STPG2: variants seen among roughly 807,000 people sequenced by gnomAD.
STPG2 encodes sperm-tail PG-rich repeat-containing protein 2.
Under a neutral mutation model 54.2 loss-of-function variants are expected in STPG2, and 56 were observed. That is an observed-to-expected ratio of 1.03 (90% CI 0.83 to 1.29). The LOEUF is 1.29. STPG2 is among the 50% of genes most tolerant of loss of function. STPG2 has a pLI of 0.00. For synonymous variants in STPG2, 200 were observed against 181.8 expected (o/e 1.10, Z -0.81); for missense variants, 596 against 544.9 (o/e 1.09, Z -0.93).
chr4:98,048,536 C>T (rs1249359594), intron 5 of STPG2: 2 of 176,038 alleles, frequency 1.1e-5, no homozygotes, highest in Non-Finnish European at 2.5e-5. Context: ...GTCTCCTCCG[C>T]TTGCTTTCTG....
intron 5 of STPG2, among the ~76,000 whole-genome samples, chr4:98,024,989 T>C (rs756941656): frequency 1.3e-5 from 2 of 152,214 alleles, no homozygotes; most frequent in South Asian, 2.1e-4. Flanking sequence ...TGCTATATCA[T>C]GGTCATAAAA....
At chr4:97,717,703 A>G (rs914810517) in intron 9 of STPG2, among the ~76,000 whole-genome samples, 3 of 152,190 alleles carry the variant, frequency 2.0e-5, no homozygotes, top group Non-Finnish European at 4.4e-5. Context: ...ATAAATTTGA[A>G]TGACTTTCAC....
At chr4:97,831,458 A>G (rs1728457965) in intron 9 of STPG2, among the ~76,000 whole-genome samples, 1 of 152,176 alleles carries the variant, frequency 6.6e-6, no homozygotes, top group South Asian at 2.1e-4. Context: ...TCAAAATTAA[A>G]AGAACTAGAG....
chr4:97,942,135 GTGTGTATATA>G lies in STPG2; in HGVS notation c.1044+1752_1044+1761del, dbSNP rs1381091225. Among the ~76,000 whole-genome samples, 3 of 149,716 alleles carry G rather than the reference GTGTGTATATA, an allele frequency of 2.0e-5. No homozygotes were observed. In the Admixed American group the frequency reaches 2.0e-4, roughly 10 times the overall value. On this transcript the variant is annotated intron_variant, in intron 8 of 10. Coordinates refer to ENST00000295268, the MANE Select transcript of STPG2 (RefSeq NM_174952.3). ...ATAGATACGTTTTAAATATATATAT[GTGTGTATATA>G]TATATATATTTAAAACGTATCTATA... is the stretch of plus-strand genomic sequence containing the variant.
intron 10 of STPG2, among the ~76,000 whole-genome samples, chr4:97,659,561 C>A (rs1051653245): frequency 2.0e-5 from 3 of 152,152 alleles, no homozygotes; most frequent in Non-Finnish European, 4.4e-5. Context: ...AGCTAGGGAA[C>A]AAATGACCTT....
At chr4:97,883,780 T>C (rs1578653470) in intron 8 of STPG2, among the ~76,000 whole-genome samples, 1 of 152,206 alleles carries the variant, frequency 6.6e-6, no homozygotes, top group African/African-American at 2.4e-5. Flanking sequence ...AATACTCATG[T>C]AATTGAAATC....
chr4:97,564,504 A>C (rs1445597202), intron 10 of STPG2, among the ~76,000 whole-genome samples: 1 of 152,172 alleles, frequency 6.6e-6, no homozygotes, highest in East Asian at 1.9e-4. Context: ...TTTGCTCGTT[A>C]GTTGATGCAG....
chr4:97,521,260 G>A (rs1263084773), intron 4 of STPG2, among the ~76,000 whole-genome samples: 4 of 151,874 alleles, frequency 2.6e-5, no homozygotes, highest in African/African-American at 9.7e-5. Flanking sequence ...ACTTAACACA[G>A]GACCAACAAA....
chr4:97,865,764 T>C (rs1315143216), intron 8 of STPG2, among the ~76,000 whole-genome samples: 2 of 151,916 alleles, frequency 1.3e-5, no homozygotes, highest in Non-Finnish European at 2.9e-5. Context: ...GAGGAGTTAA[T>C]GGTGCAGCAC....
chr4:98,020,224 T>G (rs1736129799), intron 5 of STPG2, among the ~76,000 whole-genome samples: 1 of 132,026 alleles, frequency 7.6e-6, no homozygotes. Flanking sequence ...GTTTTTAGCA[T>G]GAAGGGTTGT....
rs925204749 is a variant in STPG2, at chr4:98,097,517, T to C, written c.612+8436A>G. Among the ~76,000 whole-genome samples, 16 of 152,258 alleles carry C rather than the reference T, an allele frequency of 1.1e-4. No homozygotes were observed. The South Asian group carries it at 1.9e-3, about 18-fold the overall frequency. ...CCATATATGACAGACCCTCAGTCAA[T>C]ATCATACTGAATGGGAAAAACTGGG... On this transcript the variant is annotated intron_variant, in intron 5 of 10. Transcript: ENST00000295268.
chr4:97,730,001 T>C (rs1260996520), intron 9 of STPG2, among the ~76,000 whole-genome samples: 2 of 152,214 alleles, frequency 1.3e-5, no homozygotes, highest in Non-Finnish European at 2.9e-5. Flanking sequence ...TTAGGGCTTT[T>C]CTTTTTCAAC....
At chr4:98,005,236 C>G (rs1209138595) in intron 5 of STPG2, among the ~76,000 whole-genome samples, 1 of 152,124 alleles carries the variant, frequency 6.6e-6, no homozygotes, top group Non-Finnish European at 1.5e-5. Flanking sequence ...AGATGATGCC[C>G]ACCCAGATTA....
At chr4:97,949,674 G>A (rs573243803) in intron 7 of STPG2, among the ~76,000 whole-genome samples, 20 of 152,138 alleles carry the variant, frequency 1.3e-4, no homozygotes, top group East Asian at 1.2e-3. Context: ...ATTTTTGGCC[G>A]ATGGTTATCC....
At chr4:97,965,331 A>T (rs1734055313) in intron 7 of STPG2, among the ~76,000 whole-genome samples, 1 of 152,220 alleles carries the variant, frequency 6.6e-6, no homozygotes, top group Non-Finnish European at 1.5e-5. Context: ...TAAACAAAGC[A>T]GCTGCGAAGC....
At chr4:97,747,208 A>G (rs1725444861) in intron 9 of STPG2, among the ~76,000 whole-genome samples, 3 of 151,370 alleles carry the variant, frequency 2.0e-5, no homozygotes, top group African/African-American at 7.3e-5. Context: ...ACCAACCAAC[A>G]GAAACTTCCA....
chr4:97,446,916 A>T (rs1254885583), intron 4 of STPG2, among the ~76,000 whole-genome samples: 1 of 152,190 alleles, frequency 6.6e-6, no homozygotes, highest in East Asian at 1.9e-4. Context: ...TACTGCTATA[A>T]AGATAACATG....
chr4:97,723,319 G>C (rs532426689), intron 9 of STPG2, among the ~76,000 whole-genome samples: 2 of 151,936 alleles, frequency 1.3e-5, no homozygotes, highest in African/African-American at 4.8e-5. Flanking sequence ...AGACACTGAG[G>C]ACTCCAAAAG....
At chr4:98,073,860 G>A (rs1738079433) in intron 5 of STPG2, among the ~76,000 whole-genome samples, 1 of 152,126 alleles carries the variant, frequency 6.6e-6, no homozygotes, top group Admixed American at 6.5e-5. Flanking sequence ...AATTTGGAAG[G>A]AGACAATATA....
Sources: gnomAD v4.1 joint callset for allele counts (sites outside exome capture counted in the v4.1 genomes callset) on GRCh38, gnomAD v4.1.1 for gene constraint, MANE v1.5 for transcripts, NCBI Gene and HGNC (gene_info 2026-07-23, HGNC 2026-07-21) for gene names.